The following FNDC1 variants were observed in gnomAD, a reference collection of about 807,000 sequenced individuals.
FNDC1 encodes the protein fibronectin type III domain-containing protein 1.
FNDC1 carries 96 observed loss-of-function variants against 168.0 expected under a neutral mutation model. That is an observed-to-expected ratio of 0.57 (90% CI 0.48 to 0.68). The LOEUF is 0.68. Ranked by LOEUF, FNDC1 falls within the 30% of genes least tolerant of loss-of-function variation. The pLI is 0.00. For synonymous variants in FNDC1, 1,099 were observed against 1,025.9 expected (o/e 1.07, Z -1.36); for missense variants, 2,587 against 2,482.1 (o/e 1.04, Z -0.90).
In FNDC1 at chr6:159,234,207, C is replaced by A; in HGVS notation, c.3695C>A (p.Pro1232His). Residue 1232 changes from proline (P) to histidine (H), a missense_variant, in exon 11 of 23, where the codon CCT becomes CAT. Coordinates refer to ENST00000297267, the MANE Select transcript of FNDC1 (RefSeq NM_032532.3). ...AGGGAGCCTGCCATCGCGCTTGCCC[C>A]TCGCGGAGGGAGCCTGGCTCCTGTG... is the stretch of plus-strand genomic sequence containing the variant. ...EEREPAIALA[P>H]RGGSLAPVKR... 1 of 1,597,060 alleles carries A rather than the reference C, an allele frequency of 6.3e-7. No individual in the cohort carries two copies. The highest frequency in any genetic ancestry group is 8.5e-7 in the Non-Finnish European group (1 of 1,171,806).
chr6:159,269,218 T>C (rs1053094081), intron 22 of FNDC1, among the ~76,000 whole-genome samples: 4 of 120,836 alleles, frequency 3.3e-5, no homozygotes, highest in African/African-American at 1.4e-4. Context: ...TCTATCTATC[T>C]ATCTATCTAT....
chr6:159,233,547 C>A lies in FNDC1; in HGVS notation c.3035C>A (p.Thr1012Lys). 6.3e-7 allele frequency: 1 copy of A among 1,594,158 alleles called. No homozygotes were observed. The highest frequency in any genetic ancestry group is 8.5e-7 in the Non-Finnish European group (1 of 1,173,834). ...PQQQPPPPVATSQHHPGPQSR... is the reference protein window; with the variant it reads ...PQQQPPPPVAKSQHHPGPQSR... ...CAGCAGCCCCCTCCTCCCGTCGCCA[C>A]GTCCCAGCACCACCCGGGACCCCAG... Residue 1012 changes from threonine (T) to lysine (K), a missense_variant, in exon 11 of 23, where the codon ACG becomes AAG. Thr to Lys is a moderately conservative substitution (Grantham distance 78). Transcript: ENST00000297267. This position sits in a 1 kb window ranked among gnomAD's most constrained non-coding sequence, Gnocchi z 4.6.
Position 159,214,999 on chromosome 6 carries a change from G to T in FNDC1, c.515G>T (p.Arg172Met). Residue 172 changes from arginine to methionine, a missense_variant, in exon 5 of 23, where the codon AGG becomes ATG. Arg to Met is a moderately conservative substitution (Grantham distance 91, BLOSUM62 -1). Transcript: ENST00000297267. ...LRVRVRSSDD[R>M]LSVAWKAPRL... ...GTGCGTGTCCGGTCCTCAGATGACA[G>T]GCTGTCCGTTGCGTGGAAGGCACCA... is the stretch of plus-strand genomic sequence containing the variant. 6.2e-7 allele frequency: 1 copy of T among 1,614,060 alleles called. No individual in the cohort carries two copies.
chr6:159,253,449 C>T, intron 17 of FNDC1, among the ~76,000 whole-genome samples: 1 of 152,188 alleles, frequency 6.6e-6, no homozygotes, highest in East Asian at 1.9e-4. Flanking sequence ...GCATTTGAAT[C>T]CTGCTGGCTA....
Position 159,215,284 on chromosome 6 carries a change from A to G in FNDC1, c.667+133A>G, listed in dbSNP as rs423542. The G allele has an allele frequency of 6.1e-3, 5,121 of 833,288 alleles. 23 individuals are homozygous for G. Among genetic ancestry groups the G allele is most frequent in the South Asian group, 0.012 (700 of 56,626 alleles). 51.6% of individuals were successfully genotyped at this position (833,288 alleles called of 1,614,324 possible). A position where few individuals can be genotyped will look rare whatever the true frequency, so the allele number is the denominator to read the frequency against. ...CTTGCCAGATGTTACAATGATTTGA[A>G]TCTCTACTGTTTCTTCCATGTCCAT... On this transcript the variant is annotated intron_variant, in intron 5 of 22. Coordinates refer to ENST00000297267, the MANE Select transcript of FNDC1 (RefSeq NM_032532.3).
chr6:159,207,612 A>T, intron 4 of FNDC1, among the ~76,000 whole-genome samples: 1 of 152,216 alleles, frequency 6.6e-6, no homozygotes, highest in African/African-American at 2.4e-5. Context: ...ATTAATCCTG[A>T]AAGGAAGCAC....
At position 159,169,636 on chromosome 6, in the gene FNDC1, C is replaced by G; in HGVS notation, c.40C>G (p.Arg14Gly). Residue 14 changes from arginine (R) to glycine (G), a missense_variant, in exon 1 of 23, where the codon CGG (arginine) becomes GGG (glycine). By Grantham distance (125) the Arg-to-Gly change is moderately radical (BLOSUM62 -2). Transcript: ENST00000297267. This position sits in a 1 kb window ranked among gnomAD's most constrained non-coding sequence, Gnocchi z 6.8. ...EAGATLRAPR[R>G]LSWAALLLLA... ...CGGGGCGACCCTGCGCGCGCCGCGC[C>G]GGCTGTCCTGGGCGGCGCTGCTGCT... 8.7e-7 allele frequency: 1 copy of G among 1,150,020 alleles called. No individual in the cohort carries two copies. The highest frequency in any genetic ancestry group is 1.6e-5 in the African/African-American group (1 of 61,272). 71.2% of individuals were successfully genotyped at this position (1,150,020 alleles called of 1,614,324 possible).
chr6:159,262,825 C>T (rs554978), intron 19 of FNDC1, among the ~76,000 whole-genome samples: 96,756 of 152,094 alleles, frequency 0.64, 32,262 homozygotes, highest in Middle Eastern at 0.75. Flanking sequence ...AGAATCTCTC[C>T]AGGAAACACT....
intron 7 of FNDC1, among the ~76,000 whole-genome samples, chr6:159,223,911 T>C (rs1312521351): frequency 1.3e-5 from 2 of 152,226 alleles, no homozygotes; most frequent in Admixed American, 6.5e-5. Context: ...ATTTATCTTG[T>C]GTCTGGAAAT....
chr6:159,169,742 T>TC lies in FNDC1; in HGVS notation c.109+41dup. ...GCCCGGGCCCCCGGCGCTCCTCAGCTCCCCGCGCACCCTCCTGCGCTCGGG... is the reference window on the plus strand; with the variant it reads ...GCCCGGGCCCCCGGCGCTCCTCAGCTCCCCCGCGCACCCTCCTGCGCTCGGG... On this transcript the variant is annotated intron_variant, in intron 1 of 22. Coordinates refer to ENST00000297267, the MANE Select transcript of FNDC1 (RefSeq NM_032532.3). The surrounding 1 kb of genome is among the most constrained non-coding windows in gnomAD (Gnocchi z 6.8). 1.1e-6 allele frequency: 1 copy of TC among 874,396 alleles called. No homozygotes were observed. The highest frequency in any genetic ancestry group is 4.6e-5 in the East Asian group (1 of 21,668). The allele number at this position is 874,396 out of a possible 1,614,324, so 54.2% of individuals were successfully genotyped here.
intron 1 of FNDC1, among the ~76,000 whole-genome samples, chr6:159,177,758 A>C (rs1467773521): frequency 6.6e-6 from 1 of 152,150 alleles, no homozygotes; most frequent in Non-Finnish European, 1.5e-5. Context: ...CTTAGAGGAC[A>C]GAAAGCTCAG....
At chr6:159,208,951 G>A (rs1782543406) in intron 4 of FNDC1, among the ~76,000 whole-genome samples, 3 of 148,784 alleles carry the variant, frequency 2.0e-5, no homozygotes, top group South Asian at 4.2e-4. Flanking sequence ...GGCATCAAGC[G>A]ATTCTCTTGC....
rs1783180383 is a variant in FNDC1, at chr6:159,233,967, G to A, written c.3455G>A (p.Ser1152Asn). 2.5e-6 allele frequency: 4 copies of A among 1,589,112 alleles called. No homozygotes were observed. Among genetic ancestry groups the A allele is most frequent in the Non-Finnish European group, 3.4e-6 (4 of 1,168,194 alleles). Residue 1152 changes from serine to asparagine, a missense_variant, in exon 11 of 23, where the codon AGC becomes AAC. By Grantham distance (46) the Ser-to-Asn change is conservative (BLOSUM62 1). Coordinates refer to ENST00000297267, the MANE Select transcript of FNDC1 (RefSeq NM_032532.3). The surrounding 1 kb of genome is among the most constrained non-coding windows in gnomAD (Gnocchi z 4.6). ...CCCCAGTCCCGCGCCCGGGTACCCA[G>A]CAGGGCAGCGCCGGGGAAGTCGGAG... ...GGPQSRARVP[S>N]RAAPGKSEPP...
intron 5 of FNDC1, among the ~76,000 whole-genome samples, chr6:159,215,864 C>G (rs2114968500): frequency 6.6e-6 from 1 of 152,280 alleles, no homozygotes; most frequent in South Asian, 2.1e-4. Context: ...TAGATTGTGC[C>G]CACCCAGATT....
Position 159,267,885 on chromosome 6 carries a change from C to G in FNDC1, c.5528C>G (p.Thr1843Arg). 1.9e-6 allele frequency: 3 copies of G among 1,612,698 alleles called. No individual in the cohort carries two copies. ...GTGGATTCACACCTTGATGGAAGAA[C>G]AGGGCCTCAGTCCTATGTAGAAGCC... ...QFVDSHLDGR[T>R]GPQSYVEALP... Residue 1843 changes from threonine (T) to arginine (R), a missense_variant, in exon 22 of 23, where the codon ACA becomes AGA. Physicochemically the swap from Thr to Arg is moderately conservative, Grantham distance 71. Transcript: ENST00000297267.
intron 1 of FNDC1, among the ~76,000 whole-genome samples, chr6:159,189,898 A>G (rs1187195554): frequency 6.6e-6 from 1 of 152,010 alleles, no homozygotes; most frequent in Non-Finnish European, 1.5e-5. Flanking sequence ...CATTCCTGGG[A>G]CTGTGCTGGG....
rs200732708 is a variant in FNDC1 at position 159,251,457 on chromosome 6, G to A, written c.4990G>A (p.Val1664Met). 484 of 1,613,922 alleles carry A rather than the reference G, an allele frequency of 3.0e-4. 1 individual carries two copies. Among genetic ancestry groups the A allele is most frequent in the Middle Eastern group, 2.8e-3 (17 of 6,062 alleles). The change falls in exon 17 of 23, where the codon GTG (valine) becomes ATG (methionine). Residue 1664 changes from valine (V) to methionine (M), a missense_variant. Physicochemically the swap from Val to Met is conservative, Grantham distance 21. Coordinates refer to ENST00000297267, the MANE Select transcript of FNDC1 (RefSeq NM_032532.3). ...PPQHAPRNIT[V>M]VAVEGCHSFV... ...CCAGCATGCTCCCCGCAACATCACC[G>A]TGGTGGCCGTGGAAGGTTGCCACTC...
At chr6:159,237,270 G>T (rs1783282746) in intron 12 of FNDC1, among the ~76,000 whole-genome samples, 1 of 152,274 alleles carries the variant, frequency 6.6e-6, no homozygotes, top group South Asian at 2.1e-4. Context: ...TTGCTTGCAG[G>T]GCTTCCTCCA....
intron 2 of FNDC1, 53 bp downstream of exon 2, chr6:159,197,678 T>A (rs1156995046): frequency 6.7e-7 from 1 of 1,486,074 alleles, no homozygotes; most frequent in Non-Finnish European, 9.2e-7. Context: ...GCACCAACAT[T>A]CTCAGTTGCA....
Sources: gnomAD v4.1 joint callset for allele counts (sites outside exome capture counted in the v4.1 genomes callset) on GRCh38, gnomAD v4.1.1 for gene constraint, Gnocchi (gnomAD v3.1) non-coding constraint, MANE v1.5 for transcripts, NCBI Gene and HGNC (gene_info 2026-07-23, HGNC 2026-07-21) for gene names.